PSD3: variants seen among roughly 807,000 people sequenced by gnomAD.
PSD3 encodes PH and SEC7 domain-containing protein 3.
PSD3 carries 49 observed loss-of-function variants against 105.5 expected under a neutral mutation model. That is an observed-to-expected ratio of 0.46 (90% CI 0.37 to 0.59). The LOEUF (loss-of-function observed/expected upper bound fraction) is 0.59. Among genes scored for constraint, PSD3 ranks in the 20% least tolerant of loss-of-function variants. PSD3 has a pLI of 0.00. For missense variants in PSD3, 1,561 were observed against 1,263.8 expected (o/e 1.24, Z -3.57); for synonymous variants, 557 against 457.8 (o/e 1.22, Z -2.77).
intron 9 of PSD3, among the ~76,000 whole-genome samples, chr8:18,715,460 C>A (rs1802525549): frequency 6.6e-6 from 1 of 152,062 alleles, no homozygotes; most frequent in African/African-American, 2.4e-5. Context: ...TTGAATTATC[C>A]TCATTCAAAT....
At chr8:18,805,611 A>G (rs1322967370) in intron 4 of PSD3, among the ~76,000 whole-genome samples, 1 of 152,240 alleles carries the variant, frequency 6.6e-6, no homozygotes, top group Non-Finnish European at 1.5e-5. Flanking sequence ...CTCTTATATT[A>G]AAATCTATCT....
intron 2 of PSD3, among the ~76,000 whole-genome samples, chr8:18,931,829 G>A (rs1156898279): frequency 6.6e-6 from 1 of 152,194 alleles, no homozygotes; most frequent in Non-Finnish European, 1.5e-5. Context: ...CACATTTATA[G>A]CATATTTCAA....
At chr8:18,900,281 G>C (rs1330468687) in intron 2 of PSD3, among the ~76,000 whole-genome samples, 5 of 152,158 alleles carry the variant, frequency 3.3e-5, no homozygotes, top group Non-Finnish European at 5.9e-5. Context: ...CTATAGGCAT[G>C]ATTTTCTTAT....
At chr8:18,660,994 T>C (rs1318235284) in intron 9 of PSD3, among the ~76,000 whole-genome samples, 1 of 152,232 alleles carries the variant, frequency 6.6e-6, no homozygotes, top group Non-Finnish European at 1.5e-5. Context: ...TCAGAGACGA[T>C]AAAATGCAAT....
At chr8:18,697,399 CTCTTAA>C in intron 9 of PSD3, among the ~76,000 whole-genome samples, 1 of 152,284 alleles carries the variant, frequency 6.6e-6, no homozygotes, top group East Asian at 1.9e-4. Flanking sequence ...AAAACATTTT[CTCTTAA>C]ATATGGAGCC....
At chr8:18,630,375 C>T (rs76971655) in intron 11 of PSD3, among the ~76,000 whole-genome samples, 9,982 of 151,890 alleles carry the variant, frequency 0.066, 461 homozygotes, top group South Asian at 0.13. Flanking sequence ...TGTATTAGGC[C>T]GCTGAGGGAG....
At chr8:18,704,098 A>G (rs970068545) in intron 9 of PSD3, among the ~76,000 whole-genome samples, 1 of 152,240 alleles carries the variant, frequency 6.6e-6, no homozygotes, top group Non-Finnish European at 1.5e-5. Flanking sequence ...TTTCCAACTG[A>G]AAACAGATAC....
intron 9 of PSD3, among the ~76,000 whole-genome samples, chr8:18,706,636 TG>T (rs772140290): frequency 6.6e-6 from 1 of 152,242 alleles, no homozygotes; most frequent in Non-Finnish European, 1.5e-5. Context: ...TTCATCCAGC[TG>T]GCAATCACCT....
chr8:18,923,203 A>C (rs568353755), intron 2 of PSD3, among the ~76,000 whole-genome samples: 1 of 152,098 alleles, frequency 6.6e-6, no homozygotes, highest in South Asian at 2.1e-4. Context: ...TGAAAAAAAA[A>C]CCTCATAATG....
At chr8:18,851,292 C>T (rs78664794) in intron 4 of PSD3, among the ~76,000 whole-genome samples, 5,967 of 152,286 alleles carry the variant, frequency 0.039, 240 homozygotes, top group African/African-American at 0.1. Flanking sequence ...GAAGTTGAGC[C>T]TACATCTTCC....
chr8:18,910,187 C>T (rs369246868), intron 2 of PSD3, among the ~76,000 whole-genome samples: 17 of 151,312 alleles, frequency 1.1e-4, no homozygotes, highest in African/African-American at 3.9e-4. Flanking sequence ...CACATGCACA[C>T]GTATGTTTAT....
chr8:18,582,368 T>C (rs1802876030), intron 12 of PSD3, among the ~76,000 whole-genome samples: 1 of 152,096 alleles, frequency 6.6e-6, no homozygotes, highest in South Asian at 2.1e-4. Flanking sequence ...ATTTCAAACA[T>C]CTCTTAACAT....
At chr8:18,957,308 T>G (rs1586522652) in intron 1 of PSD3, among the ~76,000 whole-genome samples, 1 of 150,060 alleles carries the variant, frequency 6.7e-6, no homozygotes, top group Non-Finnish European at 1.5e-5. Flanking sequence ...GAGGCGGAGG[T>G]TATGGTGAGC....
At chr8:18,565,255 T>C (rs62492892) in intron 14 of PSD3, among the ~76,000 whole-genome samples, 15,631 of 151,928 alleles carry the variant, frequency 0.1, 870 homozygotes, top group African/African-American at 0.13. Context: ...GAAAGGGAGG[T>C]TGTGAGCAGA....
At chr8:18,735,683 G>T (rs1804098680) in intron 9 of PSD3, among the ~76,000 whole-genome samples, 1 of 151,968 alleles carries the variant, frequency 6.6e-6, no homozygotes, top group Non-Finnish European at 1.5e-5. Flanking sequence ...AATCAGACAA[G>T]GACTAAGAAA....
intron 10 of PSD3, among the ~76,000 whole-genome samples, chr8:18,645,757 A>T (rs149763418): frequency 1.3e-5 from 2 of 152,330 alleles, no homozygotes; most frequent in African/African-American, 4.8e-5. Flanking sequence ...TATCTAGAAA[A>T]GTCATTTAAT....
At chr8:18,949,938 T>C (rs1415870346) in intron 1 of PSD3, among the ~76,000 whole-genome samples, 3 of 152,208 alleles carry the variant, frequency 2.0e-5, no homozygotes, top group Non-Finnish European at 4.4e-5. Flanking sequence ...GGGTGCTTAA[T>C]ACTCCTGTCA....
rs139618025 is a variant in PSD3 at position 18,819,956 on chromosome 8, G to A, written c.1635-15058C>T. On this transcript the variant is annotated intron_variant, in intron 4 of 15. Coordinates refer to ENST00000327040, the MANE Select transcript of PSD3 (RefSeq NM_015310.4). ...CAGACTTTTATTACCTGTGCACAAC[G>A]CAAAATTATACTGTTGGTTTAATCT... 2.8e-4 allele frequency among the ~76,000 whole-genome samples: 43 copies of A among 152,236 alleles called. No homozygotes were observed. The East Asian group carries it at 7.5e-3, about 27-fold the overall frequency.
At chr8:19,067,882 C>T (rs150999103) in intron 1 of PSD3, among the ~76,000 whole-genome samples, 4 of 152,302 alleles carry the variant, frequency 2.6e-5, no homozygotes, top group Non-Finnish European at 5.9e-5. Context: ...CCCATGCACT[C>T]TATCTTTTCA....
Sources: gnomAD v4.1 joint callset for allele counts (sites outside exome capture counted in the v4.1 genomes callset) on GRCh38, gnomAD v4.1.1 for gene constraint, MANE v1.5 for transcripts, NCBI Gene and HGNC (gene_info 2026-07-23, HGNC 2026-07-21) for gene names.